ACBD6: variants seen among roughly 807,000 people sequenced by gnomAD.
ACBD6 encodes acyl-CoA-binding domain-containing protein 6.
Under a neutral mutation model 37.2 loss-of-function variants are expected in ACBD6, and 28 were observed. The ratio of observed to expected loss-of-function variants is 0.75; its 90% CI spans 0.56 to 1.03. The LOEUF (loss-of-function observed/expected upper bound fraction) is 1.03, where lower values mean the gene tolerates loss of function less well. ACBD6 is among the 50% of genes least tolerant of loss of function. The pLI is 0.00. For missense variants in ACBD6, 340 were observed against 337.4 expected, an observed-to-expected ratio of 1.01 and a Z score of -0.06; for synonymous variants, 113 against 126.8, an observed-to-expected ratio of 0.89 and a Z score of 0.73.
intron 7 of ACBD6, among the ~76,000 whole-genome samples, chr1:180,300,964 GAA>G (rs1377822678): frequency 2.6e-5 from 4 of 152,284 alleles, no homozygotes; most frequent in Admixed American, 2.6e-4. Context: ...ATGAAATTGT[GAA>G]AAGAGGTCTG....
At chr1:180,375,972 TG>T (rs1432734673) in intron 6 of ACBD6, among the ~76,000 whole-genome samples, 5 of 152,124 alleles carry the variant, frequency 3.3e-5, no homozygotes, top group South Asian at 2.1e-4. Context: ...TAAAGAACTC[TG>T]AAAAAACTGA....
At chr1:180,416,111 GCTTA>G (rs1250750307) in intron 4 of ACBD6, among the ~76,000 whole-genome samples, 11 of 152,118 alleles carry the variant, frequency 7.2e-5, no homozygotes, top group Admixed American at 5.2e-4. Context: ...ACACTCTTGG[GCTTA>G]CTTGTTAAAT....
downstream of ACBD6, among the ~76,000 whole-genome samples, chr1:180,284,218 G>A (rs1216669951): frequency 2.0e-5 from 3 of 152,154 alleles, no homozygotes; most frequent in Admixed American, 2.0e-4. Context: ...TCTTGAGTCT[G>A]ATAATCACTA....
intron 7 of ACBD6, among the ~76,000 whole-genome samples, chr1:180,295,808 G>A (rs1046374922): frequency 6.6e-6 from 1 of 151,954 alleles, no homozygotes; most frequent in Admixed American, 6.6e-5. Flanking sequence ...CCAATCCCTC[G>A]TCTATCCCTC....
At chr1:180,277,363 T>C (rs1443985930) in intron 9 of ACBD6, 1 of 152,206 alleles carries the variant, frequency 6.6e-6, no homozygotes, top group African/African-American at 2.4e-5. Context: ...ATGGTAGCTG[T>C]TTCCCCCCTT....
At chr1:180,443,331 T>C (rs1032995421) in intron 3 of ACBD6, among the ~76,000 whole-genome samples, 1 of 152,200 alleles carries the variant, frequency 6.6e-6, no homozygotes. Flanking sequence ...CTCAGTCCTA[T>C]GTCAGCTCCA....
At chr1:180,418,035 T>G (rs1356292124) in intron 4 of ACBD6, among the ~76,000 whole-genome samples, 2 of 40,884 alleles carry the variant, frequency 4.9e-5, no homozygotes, top group African/African-American at 2.5e-4. Flanking sequence ...AATATAAAAC[T>G]CAAAGTCTAA....
chr1:180,398,304 A>G (rs371711837), intron 5 of ACBD6, among the ~76,000 whole-genome samples: 5 of 152,272 alleles, frequency 3.3e-5, no homozygotes, highest in South Asian at 2.1e-4. Context: ...TATTATGTCC[A>G]TTTCTTTTTT....
At chr1:180,386,903 T>C (rs1408310028) in intron 6 of ACBD6, among the ~76,000 whole-genome samples, 1 of 152,210 alleles carries the variant, frequency 6.6e-6, no homozygotes, top group African/African-American at 2.4e-5. Context: ...TCTCACTGTT[T>C]GGCGTATATT....
At chr1:180,280,618 T>C (rs1250660075) in intron 9 of ACBD6, among the ~76,000 whole-genome samples, 1 of 152,184 alleles carries the variant, frequency 6.6e-6, no homozygotes, top group East Asian at 1.9e-4. Context: ...TCATGACCCT[T>C]TGCCAAAATC....
At chr1:180,423,026 G>C (rs1245722226) in intron 4 of ACBD6, among the ~76,000 whole-genome samples, 2 of 152,110 alleles carry the variant, frequency 1.3e-5, no homozygotes, top group Non-Finnish European at 2.9e-5. Flanking sequence ...TAGTGTTTAT[G>C]TGCCTACATT....
chr1:180,469,188 A>T (rs1186555731), intron 3 of ACBD6, among the ~76,000 whole-genome samples: 3 of 152,126 alleles, frequency 2.0e-5, no homozygotes, highest in African/African-American at 4.8e-5. Flanking sequence ...AATTACCCTG[A>T]TTGTTTTTTT....
At chr1:180,387,287 T>C (rs930834469) in intron 6 of ACBD6, among the ~76,000 whole-genome samples, 6 of 152,312 alleles carry the variant, frequency 3.9e-5, no homozygotes, top group South Asian at 2.1e-4. Flanking sequence ...GTTTAAAGCA[T>C]TGCTTTCTCC....
At chr1:180,459,964 CTTCTTTTTTTTTTT>C (rs1650068806) in intron 3 of ACBD6, among the ~76,000 whole-genome samples, 1 of 118,314 alleles carries the variant, frequency 8.5e-6, no homozygotes, top group African/African-American at 3.4e-5. Context: ...GACCAGACTG[CTTCTTTTTTTTTTT>C]TTTTTTTTTT....
chr1:180,446,161 C>T (rs1435652389), intron 3 of ACBD6, among the ~76,000 whole-genome samples: 8 of 150,978 alleles, frequency 5.3e-5, no homozygotes, highest in Non-Finnish European at 1.0e-4. Flanking sequence ...CACCATCACG[C>T]CGGGATAATT....
chr1:180,502,568 G>A lies in ACBD6; in HGVS notation c.-302C>T. ...AGGCCCCTCCAACGGAACAGGAGTCGAGGGGCAGTGAGGCCGGGATGCGTG... is the reference window on the plus strand; with the variant it reads ...AGGCCCCTCCAACGGAACAGGAGTCAAGGGGCAGTGAGGCCGGGATGCGTG... On this transcript the variant is annotated 5_prime_UTR_variant, in exon 1 of 8. Coordinates refer to ENST00000367595, the MANE Select transcript of ACBD6 (RefSeq NM_032360.4). 4.7e-6 allele frequency: 2 copies of A among 422,656 alleles called. No homozygotes were observed. Among genetic ancestry groups the A allele is most frequent in the Non-Finnish European group, 8.9e-6 (2 of 225,492 alleles). The allele number at this position is 422,656 out of a possible 1,614,324, so 26.2% of individuals were successfully genotyped here. A position where few individuals can be genotyped will look rare whatever the true frequency, so the allele number is the denominator to read the frequency against.
intron 3 of ACBD6, among the ~76,000 whole-genome samples, chr1:180,433,482 A>T (rs1254305742): frequency 6.6e-6 from 1 of 152,198 alleles, no homozygotes. Context: ...ATCAGGAACA[A>T]GGCAAGGATA....
At chr1:180,355,559 T>C (rs1459783842) in intron 6 of ACBD6, among the ~76,000 whole-genome samples, 1 of 152,160 alleles carries the variant, frequency 6.6e-6, no homozygotes, top group Non-Finnish European at 1.5e-5. Context: ...ATGTTCAACT[T>C]CTCTTTTATT....
At chr1:180,363,599 G>C (rs912369433) in intron 6 of ACBD6, among the ~76,000 whole-genome samples, 1 of 152,140 alleles carries the variant, frequency 6.6e-6, no homozygotes, top group East Asian at 1.9e-4. Context: ...TCCTTGGGAG[G>C]GAGGACTGAA....
Sources: gnomAD v4.1 joint callset for allele counts (sites outside exome capture counted in the v4.1 genomes callset) on GRCh38, gnomAD v4.1.1 for gene constraint, MANE v1.5 for transcripts, NCBI Gene and HGNC (gene_info 2026-07-23, HGNC 2026-07-21) for gene names.